The following ARHGAP24 variants were observed in gnomAD, a reference collection of about 807,000 sequenced individuals.
ARHGAP24 encodes the protein Rho GTPase activating protein 24.
A neutral mutation model predicts 76.4 loss-of-function variants in ARHGAP24; 50 were observed. That is an observed-to-expected ratio of 0.65 (90% CI 0.52 to 0.83). ARHGAP24 has a LOEUF of 0.83. ARHGAP24 is among the 40% of genes least tolerant of loss of function. The pLI is 0.00. For synonymous variants in ARHGAP24, 345 were observed against 323.3 expected (o/e 1.07, Z -0.72); for missense variants, 930 against 914.2 (o/e 1.02, Z -0.22).
chr4:85,884,872 G>A (rs1733471052), intron 3 of ARHGAP24, among the ~76,000 whole-genome samples: 1 of 152,080 alleles, frequency 6.6e-6, no homozygotes, highest in South Asian at 2.1e-4. Flanking sequence ...TTTACTGTCT[G>A]ATCTGCTTCA....
intron 2 of ARHGAP24, among the ~76,000 whole-genome samples, chr4:85,707,408 CTGAGA>C (rs1280247697): frequency 2.1e-5 from 1 of 47,580 alleles, no homozygotes; most frequent in Non-Finnish European, 4.9e-5. Flanking sequence ...TTTATTTTGA[CTGAGA>C]TAAGAACGTT....
At chr4:85,885,802 T>C (rs989105293) in intron 3 of ARHGAP24, among the ~76,000 whole-genome samples, 9 of 152,160 alleles carry the variant, frequency 5.9e-5, no homozygotes, top group African/African-American at 2.2e-4. Flanking sequence ...CTGAGCTTTT[T>C]AATTTAATTG....
chr4:85,634,260 T>C (rs1220099174), intron 2 of ARHGAP24, among the ~76,000 whole-genome samples: 1 of 151,902 alleles, frequency 6.6e-6, no homozygotes, highest in Non-Finnish European at 1.5e-5. Flanking sequence ...TTCCATAGAA[T>C]TCCTCAGTTC....
At chr4:85,563,406 G>A (rs541211194) in intron 1 of ARHGAP24, among the ~76,000 whole-genome samples, 26 of 152,278 alleles carry the variant, frequency 1.7e-4, no homozygotes, top group Middle Eastern at 3.4e-3. Context: ...GCTTGTAGGC[G>A]ACCAACATAT....
At chr4:85,669,540 G>C (rs1722747498) in intron 2 of ARHGAP24, among the ~76,000 whole-genome samples, 1 of 150,998 alleles carries the variant, frequency 6.6e-6, no homozygotes, top group African/African-American at 2.4e-5. Flanking sequence ...TTGTATGTAG[G>C]TATGTAGGTA....
At chr4:85,690,358 A>G (rs1379024440) in intron 2 of ARHGAP24, among the ~76,000 whole-genome samples, 1 of 152,052 alleles carries the variant, frequency 6.6e-6, no homozygotes, top group Non-Finnish European at 1.5e-5. Flanking sequence ...CCTCCTTGAT[A>G]TTTTTGAATA....
chr4:85,779,570 T>G (rs2110083233), intron 3 of ARHGAP24, among the ~76,000 whole-genome samples: 1 of 152,332 alleles, frequency 6.6e-6, no homozygotes, highest in East Asian at 1.9e-4. Context: ...TTCTCTTTAT[T>G]CATTATTTTT....
At chr4:85,972,298 C>A (rs902368880) in intron 6 of ARHGAP24, 130 bp downstream of exon 6, 2 of 1,228,118 alleles carry the variant, frequency 1.6e-6, no homozygotes, top group Non-Finnish European at 2.3e-6. Flanking sequence ...ATTGACCTCA[C>A]ACACACTGAG....
chr4:85,964,525 G>T (rs141334435), intron 5 of ARHGAP24, among the ~76,000 whole-genome samples: 2 of 152,008 alleles, frequency 1.3e-5, no homozygotes, highest in Non-Finnish European at 2.9e-5. Flanking sequence ...TTAGAGGCCA[G>T]CAGAGGAAGA....
intron 1 of ARHGAP24, among the ~76,000 whole-genome samples, chr4:85,533,567 A>T (rs560604586): frequency 6.6e-6 from 1 of 152,300 alleles, no homozygotes; most frequent in East Asian, 1.9e-4. Flanking sequence ...TTAGAGGCTG[A>T]AGCATTCTGC....
At chr4:85,514,603 CAGT>C (rs1724412868) in intron 1 of ARHGAP24, among the ~76,000 whole-genome samples, 1 of 151,798 alleles carries the variant, frequency 6.6e-6, no homozygotes, top group Non-Finnish European at 1.5e-5. Context: ...CTTGCAGACC[CAGT>C]AGCTGTTTGA....
intron 3 of ARHGAP24, among the ~76,000 whole-genome samples, chr4:85,886,307 G>T (rs1733565353): frequency 6.6e-6 from 1 of 152,060 alleles, no homozygotes; most frequent in Non-Finnish European, 1.5e-5. Context: ...ATGTGAGTTG[G>T]GTTACTTACC....
chr4:85,923,909 T>C (rs1324774274), intron 4 of ARHGAP24, 139 bp downstream of exon 4: 4 of 1,285,770 alleles, frequency 3.1e-6, no homozygotes, highest in Non-Finnish European at 4.4e-6. Flanking sequence ...TCAACATTAT[T>C]GTTAGACGTA....
At chr4:85,948,806 G>A (rs1410069679) in intron 5 of ARHGAP24, among the ~76,000 whole-genome samples, 1 of 152,106 alleles carries the variant, frequency 6.6e-6, no homozygotes, top group Non-Finnish European at 1.5e-5. Context: ...TTTCCTTTAA[G>A]CCATGTTTTC....
At chr4:85,793,989 G>T (rs1294921177) in intron 3 of ARHGAP24, among the ~76,000 whole-genome samples, 1 of 152,188 alleles carries the variant, frequency 6.6e-6, no homozygotes, top group Non-Finnish European at 1.5e-5. Flanking sequence ...AAGAAGAGTT[G>T]TCATACAACT....
chr4:85,576,498 A>C (rs976064105), intron 2 of ARHGAP24, among the ~76,000 whole-genome samples: 6 of 152,172 alleles, frequency 3.9e-5, no homozygotes, highest in Non-Finnish European at 8.8e-5. Flanking sequence ...AAATCTAGAA[A>C]TCTCTAAGGC....
chr4:85,494,939 AT>A (rs1174181450), intron 1 of ARHGAP24, among the ~76,000 whole-genome samples: 3 of 151,886 alleles, frequency 2.0e-5, no homozygotes, highest in African/African-American at 7.3e-5. Context: ...TCTAATAAAA[AT>A]ACAAGAAATT....
chr4:85,582,281 T>G (rs1390403898), intron 2 of ARHGAP24, among the ~76,000 whole-genome samples: 1 of 152,140 alleles, frequency 6.6e-6, no homozygotes, highest in Non-Finnish European at 1.5e-5. Flanking sequence ...TGAAGCCAGT[T>G]TTAGTCATTA....
At chr4:85,530,467 C>A (rs1291766945) in intron 1 of ARHGAP24, among the ~76,000 whole-genome samples, 1 of 151,984 alleles carries the variant, frequency 6.6e-6, no homozygotes, top group Non-Finnish European at 1.5e-5. Flanking sequence ...TCTAGAACAC[C>A]ATGCCTCAGT....
Sources: allele counts gnomAD v4.1 joint callset (sites outside exome capture counted in the v4.1 genomes callset), GRCh38; gene constraint gnomAD v4.1.1; transcripts MANE v1.5; gene names NCBI Gene and HGNC (gene_info 2026-07-23, HGNC 2026-07-21).